Variants in INPP4B observed in about 807,000 individuals in gnomAD.
INPP4B encodes inositol polyphosphate-4-phosphatase type II B.
Under a neutral mutation model 122.5 loss-of-function variants are expected in INPP4B, and 55 were observed. The ratio of observed to expected loss-of-function variants is 0.45; its 90% CI spans 0.36 to 0.56. The LOEUF is 0.56. Among genes scored for constraint, INPP4B ranks in the 20% least tolerant of loss-of-function variants. INPP4B has a pLI of 0.00. For missense variants in INPP4B, 1,000 were observed against 1,097.7 expected (o/e 0.91, Z 1.26); for synonymous variants, 403 against 388.7 (o/e 1.04, Z -0.43).
At position 142,610,930 on chromosome 4, in the gene INPP4B, G is replaced by A. The variant is rs547629156; in HGVS notation, c.-191+114909C>T. On this transcript the variant is annotated intron_variant, in intron 2 of 25. Coordinates refer to ENST00000262992, the MANE Select transcript of INPP4B (RefSeq NM_001101669.3). ...AAACCTTAGTTCAAAAGCTTTCTTG[G>A]ACCACCACAAAATATGTATTAGTCC... 1.4e-4 allele frequency among the ~76,000 whole-genome samples: 21 copies of A among 152,090 alleles called. No individual in the cohort carries two copies. The South Asian group carries it at 4.4e-3, about 32-fold the overall frequency.
intron 2 of INPP4B, among the ~76,000 whole-genome samples, chr4:142,687,502 G>T (rs1759512732): frequency 6.8e-6 from 1 of 146,348 alleles, no homozygotes; most frequent in African/African-American, 2.5e-5. Context: ...AAGCAAAAAA[G>T]GATGCAGGAA....
At chr4:142,682,318 A>G (rs1049889537) in intron 2 of INPP4B, among the ~76,000 whole-genome samples, 7 of 151,698 alleles carry the variant, frequency 4.6e-5, no homozygotes, top group Non-Finnish European at 8.8e-5. Flanking sequence ...GTTCTAAAAC[A>G]ATACCTACTC....
Position 142,195,491 on chromosome 4 carries a change from A to G in INPP4B, c.1073-2296T>C, listed in dbSNP as rs181059137. ...GCCACAAAAAAACCTTTTAGACTTG[A>G]TGGATTTGTCTGTTACCTTAATTGT... On this transcript the variant is annotated intron_variant, in intron 14 of 25. Transcript: ENST00000262992. 1.9e-3 allele frequency among the ~76,000 whole-genome samples: 287 copies of G among 152,308 alleles called. 1 individual carries two copies. The highest frequency in any genetic ancestry group is 5.9e-3 in the African/African-American group (247 of 41,574).
chr4:142,397,839 AAAAAAAT>A (rs573893441), intron 7 of INPP4B, among the ~76,000 whole-genome samples: 403 of 152,118 alleles, frequency 2.6e-3, no homozygotes, highest in South Asian at 4.6e-3. Context: ...CTCCGTCTCA[AAAAAAAT>A]AAAAAATAAA....
chr4:142,598,471 T>C (rs1739182297), intron 2 of INPP4B, among the ~76,000 whole-genome samples: 1 of 151,978 alleles, frequency 6.6e-6, no homozygotes, highest in South Asian at 2.1e-4. Context: ...CCCCCATATA[T>C]CCACATCCTG....
At chr4:142,377,473 G>A (rs747556134) in intron 7 of INPP4B, among the ~76,000 whole-genome samples, 1 of 152,068 alleles carries the variant, frequency 6.6e-6, no homozygotes, top group South Asian at 2.1e-4. Flanking sequence ...GAGTGAAAAA[G>A]AGGGACAAGG....
At position 142,104,082 on chromosome 4, in the gene INPP4B, C is replaced by T. The variant is rs549238460; in HGVS notation, c.2374+4011G>A. 5.3e-5 allele frequency among the ~76,000 whole-genome samples: 8 copies of T among 152,082 alleles called. No individual in the cohort carries two copies. The South Asian group carries it at 1.0e-3, about 20-fold the overall frequency. ...CATTATGGTACAATTTCATTAGAGC[C>T]GTATGACAATATCCTTCTTCTTTGT... On this transcript the variant is annotated intron_variant, in intron 23 of 25. Transcript: ENST00000262992.
intron 1 of INPP4B, among the ~76,000 whole-genome samples, chr4:142,819,934 G>C (rs1780597259): frequency 1.3e-5 from 2 of 152,008 alleles, no homozygotes; most frequent in South Asian, 4.1e-4. Flanking sequence ...TCGAGCCGAG[G>C]CTAAAATTTA....
At chr4:142,671,453 TACA>T (rs1332804135) in intron 2 of INPP4B, among the ~76,000 whole-genome samples, 6 of 152,168 alleles carry the variant, frequency 3.9e-5, no homozygotes, top group Admixed American at 1.3e-4. Context: ...ATTTTGCTCT[TACA>T]ATGCTTTTTC....
chr4:142,058,558 T>C (rs1447554980), intron 25 of INPP4B, among the ~76,000 whole-genome samples: 1 of 152,130 alleles, frequency 6.6e-6, no homozygotes, highest in African/African-American at 2.4e-5. Flanking sequence ...ATATTACGTT[T>C]AAGGCACTGC....
At chr4:142,276,785 C>G (rs1384113551) in intron 9 of INPP4B, among the ~76,000 whole-genome samples, 1 of 151,772 alleles carries the variant, frequency 6.6e-6, no homozygotes, top group South Asian at 2.1e-4. Flanking sequence ...CTGCTATAAA[C>G]AGTACTCTCC....
At chr4:142,203,004 T>C (rs533519241) in intron 14 of INPP4B, among the ~76,000 whole-genome samples, 1 of 152,204 alleles carries the variant, frequency 6.6e-6, no homozygotes, top group Non-Finnish European at 1.5e-5. Context: ...TAGAACACAA[T>C]TAGAGTTAAA....
At chr4:142,739,519 A>G (rs1287542172) in intron 1 of INPP4B, among the ~76,000 whole-genome samples, 3 of 152,010 alleles carry the variant, frequency 2.0e-5, no homozygotes, top group African/African-American at 7.2e-5. Context: ...TCTCTTAGAG[A>G]TTTATATTTC....
chr4:142,053,554 T>G (rs1160497862), intron 25 of INPP4B, among the ~76,000 whole-genome samples: 1 of 149,636 alleles, frequency 6.7e-6, no homozygotes, highest in African/African-American at 2.4e-5. Context: ...CTACCACATT[T>G]CCACACAGAT....
At chr4:142,842,535 T>C (rs1309427953) in intron 1 of INPP4B, among the ~76,000 whole-genome samples, 1 of 142,826 alleles carries the variant, frequency 7.0e-6, no homozygotes, top group Non-Finnish European at 1.5e-5. Flanking sequence ...TATATTATAA[T>C]ATATACAATA....
intron 2 of INPP4B, among the ~76,000 whole-genome samples, chr4:142,626,934 A>G (rs1366017949): frequency 1.3e-5 from 2 of 152,002 alleles, no homozygotes; most frequent in South Asian, 4.1e-4. Flanking sequence ...TTCTCAATGT[A>G]TTTCTCATCC....
intron 1 of INPP4B, among the ~76,000 whole-genome samples, chr4:142,764,075 A>T (rs1012782127): frequency 6.6e-6 from 1 of 151,972 alleles, no homozygotes; most frequent in African/African-American, 2.4e-5. Flanking sequence ...GAGAGCGTAA[A>T]TTTTTCTTTT....
chr4:142,219,446 G>T (rs1415609755), intron 12 of INPP4B, among the ~76,000 whole-genome samples: 1 of 152,108 alleles, frequency 6.6e-6, no homozygotes, highest in Non-Finnish European at 1.5e-5. Context: ...TTCACAGTTT[G>T]CTTTAAAGTT....
At chr4:142,084,339 T>C (rs1366921348) in intron 24 of INPP4B, among the ~76,000 whole-genome samples, 2 of 152,042 alleles carry the variant, frequency 1.3e-5, no homozygotes, top group African/African-American at 4.8e-5. Context: ...CAGGATGGTC[T>C]CCATCACCTG....
Sources: allele counts gnomAD v4.1 joint callset (sites outside exome capture counted in the v4.1 genomes callset), GRCh38; gene constraint gnomAD v4.1.1; transcripts MANE v1.5; gene names NCBI Gene and HGNC (gene_info 2026-07-23, HGNC 2026-07-21).